DLC1: variants seen among roughly 807,000 people sequenced by gnomAD.
DLC1 encodes DLC1 Rho GTPase activating protein, also known as rho GTPase-activating protein 7.
In DLC1, 54 loss-of-function variants were observed where a neutral mutation model predicts 140.3. That is an observed-to-expected ratio of 0.38 (90% CI 0.31 to 0.48). DLC1 has a LOEUF of 0.48. Ranked by LOEUF, DLC1 falls within the 20% of genes least tolerant of loss-of-function variation. The pLI is 0.96. For missense variants in DLC1, 2,536 were observed against 1,907.0 expected (o/e 1.33, Z -6.14); for synonymous variants, 986 against 728.1 (o/e 1.35, Z -5.70).
rs148423187 is a variant in DLC1 at position 13,099,461 on chromosome 8, G to T, written c.2876C>A (p.Thr959Asn). The change falls in exon 9 of 18, where the codon ACC becomes AAC. Residue 959 changes from threonine to asparagine, a missense_variant. By Grantham distance (65) the Thr-to-Asn change is moderately conservative (BLOSUM62 0). Coordinates refer to ENST00000276297, the MANE Select transcript of DLC1 (RefSeq NM_182643.3). ...QIHLDVDNDRTTPSDLDSTGN... is the reference protein window; with the variant it reads ...QIHLDVDNDRNTPSDLDSTGN... ...TGTGCTGTCCAGGTCGCTGGGTGTG[G>T]TTCGGTCGTTGTCCACATCCAGGTG... 1.9e-6 allele frequency: 3 copies of T among 1,614,138 alleles called. No homozygotes were observed. The highest frequency in any genetic ancestry group is 2.5e-6 in the Non-Finnish European group (3 of 1,180,026).
chr8:13,227,215 T>C (rs1828833721), intron 5 of DLC1, among the ~76,000 whole-genome samples: 1 of 152,136 alleles, frequency 6.6e-6, no homozygotes, highest in Admixed American at 6.5e-5. Context: ...TAAAAACAAA[T>C]TGCCTTCTTC....
chr8:13,128,769 A>G (rs1821812479), intron 5 of DLC1, among the ~76,000 whole-genome samples: 2 of 151,726 alleles, frequency 1.3e-5, no homozygotes, highest in Admixed American at 6.6e-5. Context: ...CGGGAGGCGG[A>G]GCTTGCAGTG....
chr8:13,209,296 C>A (rs1827826066), intron 5 of DLC1, among the ~76,000 whole-genome samples: 1 of 152,036 alleles, frequency 6.6e-6, no homozygotes, highest in Admixed American at 6.6e-5. Context: ...AGAGTCCATG[C>A]AATCTTAATT....
intron 5 of DLC1, among the ~76,000 whole-genome samples, chr8:13,161,306 A>T (rs1359938576): frequency 6.6e-6 from 1 of 152,048 alleles, no homozygotes; most frequent in Non-Finnish European, 1.5e-5. Context: ...AGTGAAAGGG[A>T]GGTGATCAGC....
At chr8:13,240,819 A>G (rs1032435865) in intron 5 of DLC1, among the ~76,000 whole-genome samples, 2 of 152,332 alleles carry the variant, frequency 1.3e-5, no homozygotes, top group Middle Eastern at 3.4e-3. Context: ...TATTTTCTTT[A>G]ATTAGAAATA....
intron 2 of DLC1, among the ~76,000 whole-genome samples, chr8:13,437,412 A>G (rs1328188093): frequency 6.6e-6 from 1 of 152,196 alleles, no homozygotes; most frequent in Admixed American, 6.5e-5. Context: ...TCGAAAGTCA[A>G]AATATGTCTT....
intron 4 of DLC1, among the ~76,000 whole-genome samples, chr8:13,335,044 G>C (rs1833761451): frequency 6.6e-6 from 1 of 152,188 alleles, no homozygotes; most frequent in African/African-American, 2.4e-5. Context: ...CAAGGAGGGA[G>C]AGACAAGTCT....
intron 5 of DLC1, among the ~76,000 whole-genome samples, chr8:13,164,132 A>G (rs1451350456): frequency 6.6e-6 from 1 of 152,054 alleles, no homozygotes; most frequent in African/African-American, 2.4e-5. Flanking sequence ...CCCTGTCTCT[A>G]CTAAAAAATA....
intron 4 of DLC1, among the ~76,000 whole-genome samples, chr8:13,381,136 C>G (rs1432275357): frequency 6.6e-6 from 1 of 152,028 alleles, no homozygotes; most frequent in Non-Finnish European, 1.5e-5. Flanking sequence ...GGAGGTGTGG[C>G]TGTATTAGTA....
rs773114410 is a variant in DLC1 at position 13,460,552 on chromosome 8, A to G, written c.1023+38497T>C. ...AAGGAAGCATTTACAGTCCAAGGCA[A>G]CAAGTGTCACCCTAAAGGGTATGAG... is the stretch of plus-strand genomic sequence containing the variant. On this transcript the variant is annotated intron_variant, in intron 2 of 17. Transcript: ENST00000276297. Among the ~76,000 whole-genome samples, 67 of 152,234 alleles carry G rather than the reference A, an allele frequency of 4.4e-4. 1 individual carries two copies. Among genetic ancestry groups the G allele is most frequent in the Admixed American group, 9.8e-4 (15 of 15,282 alleles).
chr8:13,153,632 T>A (rs543091802), intron 5 of DLC1, among the ~76,000 whole-genome samples: 1 of 152,314 alleles, frequency 6.6e-6, no homozygotes, highest in East Asian at 1.9e-4. Context: ...TTGGTGCGTT[T>A]ACAATCCCTG....
chr8:13,186,120 T>C lies in DLC1; in HGVS notation c.1349-70463A>G, dbSNP rs142930320. Reference sequence around the variant, plus strand: ...TCAACCTTGGTGAATCTGACAATTATGTGTCTTGGGGTTGGTCTTCTCGAG... The same window carrying C: ...TCAACCTTGGTGAATCTGACAATTACGTGTCTTGGGGTTGGTCTTCTCGAG... On this transcript the variant is annotated intron_variant, in intron 5 of 17. Transcript: ENST00000276297. 1.1e-4 allele frequency among the ~76,000 whole-genome samples: 17 copies of C among 152,306 alleles called. No homozygotes were observed. In the East Asian group the frequency reaches 2.9e-3, roughly 26 times the overall value.
At chr8:13,531,493 G>C (rs1803095666) in intron 1 of DLC1, among the ~76,000 whole-genome samples, 1 of 152,102 alleles carries the variant, frequency 6.6e-6, no homozygotes, top group South Asian at 2.1e-4. Context: ...GGCTGAGGCA[G>C]GAGAATCACT....
At chr8:13,286,211 C>G (rs190108321) in intron 5 of DLC1, among the ~76,000 whole-genome samples, 1 of 152,182 alleles carries the variant, frequency 6.6e-6, no homozygotes, top group African/African-American at 2.4e-5. Context: ...CCAAAGCAAA[C>G]CATCAGAATC....
At chr8:13,086,170 T>C in intron 17 of DLC1, 120 bp downstream of exon 17, 1 of 1,401,174 alleles carries the variant, frequency 7.1e-7, no homozygotes, top group Non-Finnish European at 9.6e-7. Context: ...TAAACACCAT[T>C]CTTCATGAAG....
chr8:13,352,851 C>T (rs958389109), intron 4 of DLC1, among the ~76,000 whole-genome samples: 2 of 151,980 alleles, frequency 1.3e-5, no homozygotes, highest in South Asian at 4.2e-4. Context: ...GAATGCACAC[C>T]TACCAGGAAC....
In DLC1 at chr8:13,587,222, C is replaced by G. The variant is rs555224261; in HGVS notation, c.-126+17315G>C. Among the ~76,000 whole-genome samples, 9 of 151,700 alleles carry G rather than the reference C, an allele frequency of 5.9e-5. 1 individual carries two copies. In the Middle Eastern group the frequency reaches 0.014, roughly 229 times the overall value. ...TTTGTGAGTGGCCATTAGATGAACC[C>G]CTCACATTTGAAGAGAGTGATTATT... On this transcript the variant is annotated intron_variant, in intron 1 of 1. Transcript: ENST00000631382.
intron 5 of DLC1, among the ~76,000 whole-genome samples, chr8:13,148,942 G>A (rs1962906): frequency 0.18 from 27,819 of 151,854 alleles, 2,691 homozygotes; most frequent in Non-Finnish European, 0.2. Flanking sequence ...ACAGCTGCCC[G>A]TCACCACGCC....
chr8:13,542,748 C>A (rs988356045), intron 1 of DLC1, among the ~76,000 whole-genome samples: 1 of 151,900 alleles, frequency 6.6e-6, no homozygotes, highest in African/African-American at 2.4e-5. Context: ...ATTTTTGATG[C>A]TTTTTCTTGA....
Sources: allele counts gnomAD v4.1 joint callset (sites outside exome capture counted in the v4.1 genomes callset), GRCh38; gene constraint gnomAD v4.1.1; transcripts MANE v1.5; gene names NCBI Gene and HGNC (gene_info 2026-07-23, HGNC 2026-07-21).